SLC7A10: variants seen among roughly 807,000 people sequenced by gnomAD.
SLC7A10 encodes the protein solute carrier family 7 member 10, also known as asc-type amino acid transporter 1.
A neutral mutation model predicts 52.7 loss-of-function variants in SLC7A10; 30 were observed. The observed-to-expected ratio is 0.57, with a 90% CI of 0.43 to 0.77. The LOEUF (loss-of-function observed/expected upper bound fraction) is 0.77, where lower values mean the gene tolerates loss of function less well. SLC7A10 is among the 30% of genes least tolerant of loss of function. The pLI is 0.00. For missense variants in SLC7A10, 581 were observed against 698.5 expected (o/e 0.83, Z 1.90); for synonymous variants, 318 against 314.9 (o/e 1.01, Z -0.10).
At chr19:33,214,106 C>A (rs1027667941) in intron 2 of SLC7A10, among the ~76,000 whole-genome samples, 1 of 152,182 alleles carries the variant, frequency 6.6e-6, no homozygotes, top group African/African-American at 2.4e-5. Context: ...GGGATGAGGT[C>A]CTGGCCCTCT....
chr19:33,211,294 C>CAGAA lies in SLC7A10; in HGVS notation c.946_947insTTCT (p.Trp316PhefsTer214), dbSNP rs1974545967. The stretch of plus-strand genomic sequence containing the variant: ...CAGAGCCACGGAGACAGGCATGACC[C>CAGAA]AAGAAAAGTAGCCCAGCAGCTTCTC... On this transcript the variant is annotated frameshift_variant, in exon 7 of 11. Coordinates refer to ENST00000253188, the MANE Select transcript of SLC7A10 (RefSeq NM_019849.3). LOFTEE classifies it high-confidence loss of function. 6.2e-7 allele frequency: 1 copy of CAGAA among 1,613,842 alleles called. No homozygotes were observed. Among genetic ancestry groups the CAGAA allele is most frequent in the East Asian group, 2.2e-5 (1 of 44,868 alleles).
chr19:33,223,966 A>G (rs532939565), intron 1 of SLC7A10, among the ~76,000 whole-genome samples: 17 of 144,272 alleles, frequency 1.2e-4, no homozygotes, highest in Admixed American at 2.1e-4. Context: ...CACCACCACC[A>G]CCACCACCAC....
At chr19:33,225,458 G>A (rs1040851016) in intron 1 of SLC7A10, 95 bp downstream of exon 1, 23 of 1,474,758 alleles carry the variant, frequency 1.6e-5, no homozygotes, top group Middle Eastern at 4.6e-4. Context: ...AGGCAGACCC[G>A]TCCGAGCGCC....
At chr19:33,211,852 C>G (rs1974561663) in intron 5 of SLC7A10, 1 of 486,378 alleles carries the variant, frequency 2.1e-6, no homozygotes, top group African/African-American at 1.9e-5. Flanking sequence ...CCCAAAATGG[C>G]CCCAGAGCCC....
Position 33,225,784 on chromosome 19 carries a change from C to T in SLC7A10, c.-81G>A. On this transcript the variant is annotated 5_prime_UTR_variant, in exon 1 of 11. Coordinates refer to ENST00000253188, the MANE Select transcript of SLC7A10 (RefSeq NM_019849.3). ...GCCCGTCGGTCCGTCGGTCCGTGAG[C>T]TCACGGCCCTCGCAGCCGGGACAGC... is the stretch of plus-strand genomic sequence containing the variant. 7.3e-7 allele frequency: 1 copy of T among 1,374,466 alleles called. No individual in the cohort carries two copies. The highest frequency in any genetic ancestry group is 9.4e-7 in the Non-Finnish European group (1 of 1,063,510). 85.1% of individuals were successfully genotyped at this position (1,374,466 alleles called of 1,614,324 possible).
Position 33,214,656 on chromosome 19 carries a change from C to T in SLC7A10, c.356+1113G>A, listed in dbSNP as rs114540467. 3.6e-3 allele frequency among the ~76,000 whole-genome samples: 546 copies of T among 152,366 alleles called. 1 individual carries two copies. Among genetic ancestry groups the T allele is most frequent in the Middle Eastern group, 0.014 (4 of 294 alleles). ...CACTTCCCCCATCCTGGGATGCTTT[C>T]CTCACTGGTCAGCTAGGCCCGGTGG... On this transcript the variant is annotated intron_variant, in intron 2 of 10. Coordinates refer to ENST00000253188, the MANE Select transcript of SLC7A10 (RefSeq NM_019849.3).
At chr19:33,209,710 C>T (rs932554083) in intron 9 of SLC7A10, among the ~76,000 whole-genome samples, 1 of 139,922 alleles carries the variant, frequency 7.1e-6, no homozygotes, top group African/African-American at 2.7e-5. Flanking sequence ...GTCTCAGCGG[C>T]ACCGAGCTCC....
chr19:33,215,662 G>A (rs1168644689), intron 2 of SLC7A10, 107 bp downstream of exon 2: 23 of 789,022 alleles, frequency 2.9e-5, no homozygotes, highest in South Asian at 8.0e-5. Context: ...CCACCCCCAC[G>A]ACCTCCCTAG....
Position 33,213,015 on chromosome 19 carries a change from G to C in SLC7A10, c.357-13C>G, listed in dbSNP as rs753933576. Reference sequence around the variant, plus strand: ...GAGCAGCAGAAAGCTGGAAGGAGCAGGGGCGGGAGTGGCTCAAGCTGCCCA... The same window carrying C: ...GAGCAGCAGAAAGCTGGAAGGAGCACGGGCGGGAGTGGCTCAAGCTGCCCA... On this transcript the variant is annotated splice_polypyrimidine_tract_variant and intron_variant, in intron 2 of 10. Coordinates refer to ENST00000253188, the MANE Select transcript of SLC7A10 (RefSeq NM_019849.3). 1.4e-5 allele frequency: 22 copies of C among 1,587,470 alleles called. No homozygotes were observed. In the Admixed American group the frequency reaches 4.0e-4, roughly 29 times the overall value.
chr19:33,209,375 C>A lies in SLC7A10; in HGVS notation c.1374G>T (p.Thr458=), dbSNP rs2303094. Residue 458 remains threonine, a synonymous_variant, in exon 10 of 11, where the codon ACG becomes ACT. Transcript: ENST00000253188. ...VCGVGVIIIL[T]GVPIFFLGVF... The stretch of plus-strand genomic sequence containing the variant: ...CTCCCAGAAAGAAAATGGGCACCCC[C>A]GTAAGGATGATGATGACGCCGACCC... 0.05 allele frequency: 81,115 copies of A among 1,613,918 alleles called. 2,417 individuals carry two copies. The highest frequency in any genetic ancestry group is 0.13 in the East Asian group (5,953 of 44,866).
At chr19:33,221,893 A>C (rs1482235056) in intron 1 of SLC7A10, among the ~76,000 whole-genome samples, 1 of 151,992 alleles carries the variant, frequency 6.6e-6, no homozygotes, top group African/African-American at 2.4e-5. Context: ...CCGGCAAGGG[A>C]GCTGGCCGAG....
chr19:33,215,414 A>C (rs965806628), intron 2 of SLC7A10, among the ~76,000 whole-genome samples: 1 of 152,106 alleles, frequency 6.6e-6, no homozygotes, highest in African/African-American at 2.4e-5. Flanking sequence ...GTTTTCAGAC[A>C]GTAAGAATCC....
chr19:33,225,537 C>T lies in SLC7A10; in HGVS notation c.151+16G>A, dbSNP rs1459335751. 10 of 1,595,824 alleles carry T rather than the reference C, an allele frequency of 6.3e-6. No homozygotes were observed. In the South Asian group the frequency reaches 1.1e-4, roughly 18 times the overall value. ...TCGGCCTCCGCCCGGCGCCCGCCCG[C>T]CTGGGTCCCGCTCACCGATGATGAT... On this transcript the variant is annotated intron_variant, in intron 1 of 10. Transcript: ENST00000253188.
chr19:33,211,023 C>G, intron 7 of SLC7A10, 125 bp from the exon 8 acceptor site: 2 of 1,022,654 alleles, frequency 2.0e-6, no homozygotes, highest in South Asian at 2.7e-5. Flanking sequence ...GGACAGTTCT[C>G]CCCCTCATCC....
intron 2 of SLC7A10, among the ~76,000 whole-genome samples, chr19:33,213,844 C>T (rs940543251): frequency 1.3e-5 from 2 of 152,146 alleles, no homozygotes; most frequent in South Asian, 2.1e-4. Flanking sequence ...TGCAGGGCAC[C>T]CAGACTGTGA....
intron 2 of SLC7A10, among the ~76,000 whole-genome samples, chr19:33,213,541 G>C (rs1974606207): frequency 6.6e-6 from 1 of 152,168 alleles, no homozygotes; most frequent in African/African-American, 2.4e-5. Context: ...ACCCGCCTCG[G>C]CCTCCCAAAG....
chr19:33,218,656 G>A (rs1337305249), intron 1 of SLC7A10, among the ~76,000 whole-genome samples: 2 of 55,850 alleles, frequency 3.6e-5, no homozygotes, highest in Admixed American at 1.9e-4. Flanking sequence ...GGGAGGGACC[G>A]GTGGATTTCT....
At chr19:33,209,269 G>A (rs770510922) in intron 10 of SLC7A10, 39 bp downstream of exon 10, 8 of 1,612,170 alleles carry the variant, frequency 5.0e-6, no homozygotes, top group South Asian at 2.2e-5. Context: ...TCCAGGCCCC[G>A]GCCCCCTGTG....
intron 1 of SLC7A10, among the ~76,000 whole-genome samples, chr19:33,222,225 CCA>C (rs775177027): frequency 6.6e-6 from 1 of 151,954 alleles, no homozygotes; most frequent in Non-Finnish European, 1.5e-5. Context: ...ATGGCAAAAC[CCA>C]GTCTCTACAA....
Sources: allele counts gnomAD v4.1 joint callset (sites outside exome capture counted in the v4.1 genomes callset), GRCh38; gene constraint gnomAD v4.1.1; transcripts MANE v1.5; gene names NCBI Gene and HGNC (gene_info 2026-07-23, HGNC 2026-07-21).